Variants in HIRA observed in about 807,000 individuals in gnomAD.
The protein encoded by HIRA is histone cell cycle regulator.
In HIRA, 13 loss-of-function variants were observed where a neutral mutation model predicts 126.6. The observed-to-expected ratio is 0.10, with a 90% confidence interval of 0.07 to 0.16. The LOEUF (loss-of-function observed/expected upper bound fraction) is 0.16, where lower values mean the gene tolerates loss of function less well. Among genes scored for constraint, HIRA ranks in the 10% least tolerant of loss-of-function variants. HIRA has a pLI of 1.00. For missense variants in HIRA, 834 were observed against 1,314.4 expected (o/e 0.63, Z 5.65); for synonymous variants, 511 against 520.0 (o/e 0.98, Z 0.24).
At chr22:19,405,022 C>A (rs2089297032) in intron 5 of HIRA, among the ~76,000 whole-genome samples, 1 of 152,196 alleles carries the variant, frequency 6.6e-6, no homozygotes, top group African/African-American at 2.4e-5. Flanking sequence ...CCTATCTCTT[C>A]CATGACAAGG....
chr22:19,373,523 C>T (rs2088987201), intron 15 of HIRA, among the ~76,000 whole-genome samples: 1 of 152,174 alleles, frequency 6.6e-6, no homozygotes, highest in Non-Finnish European at 1.5e-5. Flanking sequence ...ATGGTGGATA[C>T]GCATCTCTGC....
intron 15 of HIRA, among the ~76,000 whole-genome samples, chr22:19,374,017 T>C (rs143261408): frequency 1.3e-4 from 19 of 151,700 alleles, no homozygotes; most frequent in African/African-American, 3.1e-4. Context: ...GGGTTGCATT[T>C]AATCCAGCAT....
intron 14 of HIRA, among the ~76,000 whole-genome samples, chr22:19,376,141 T>G (rs909685798): frequency 6.6e-6 from 1 of 152,098 alleles, no homozygotes; most frequent in Admixed American, 6.5e-5. Context: ...CCCAAACCAC[T>G]CCAGCCACTC....
intron 24 of HIRA, among the ~76,000 whole-genome samples, chr22:19,341,812 A>G (rs1239273426): frequency 2.0e-5 from 3 of 152,266 alleles, no homozygotes; most frequent in African/African-American, 7.2e-5. Context: ...AAGATGGATC[A>G]AAGACTTAAA....
intron 1 of HIRA, among the ~76,000 whole-genome samples, chr22:19,427,309 C>A (rs2089496066): frequency 1.3e-5 from 2 of 152,210 alleles, no homozygotes; most frequent in South Asian, 4.1e-4. Context: ...TCAACCACTG[C>A]AATCATATAA....
Position 19,331,142 on chromosome 22 carries a change from G to A in HIRA, c.*298C>T. 1 of 1,329,902 alleles carries A rather than the reference G, an allele frequency of 7.5e-7. No individual in the cohort carries two copies. Among genetic ancestry groups the A allele is most frequent in the Non-Finnish European group, 9.9e-7 (1 of 1,014,906 alleles). 82.4% of individuals were successfully genotyped at this position (1,329,902 alleles called of 1,614,324 possible). On this transcript the variant is annotated 3_prime_UTR_variant, in exon 25 of 25. Transcript: ENST00000263208. ...CTAGTGTCCACCTTGGGGCCGTGCTGGAGACGGCAGGCCTGGGACTGCCTT... is the reference window on the plus strand; with the variant it reads ...CTAGTGTCCACCTTGGGGCCGTGCTAGAGACGGCAGGCCTGGGACTGCCTT...
At chr22:19,388,441 T>C in intron 10 of HIRA, 43 bp downstream of exon 10, 1 of 1,494,294 alleles carries the variant, frequency 6.7e-7, no homozygotes, top group Non-Finnish European at 9.3e-7. Flanking sequence ...AATGTGTGGC[T>C]TCTCCTTTCT....
chr22:19,405,574 G>A (rs969896988), intron 5 of HIRA: 2 of 908,954 alleles, frequency 2.2e-6, no homozygotes, highest in Non-Finnish European at 2.6e-6. Context: ...GGGCAAGAGT[G>A]GGGAGACTGA....
At chr22:19,354,895 G>T (rs2088795856) in intron 21 of HIRA, among the ~76,000 whole-genome samples, 1 of 151,998 alleles carries the variant, frequency 6.6e-6, no homozygotes, top group Non-Finnish European at 1.5e-5. Context: ...GCTTCCCAAG[G>T]AGCTGGGACT....
rs781983881 is a variant in HIRA, at chr22:19,331,210, G to C, written c.*230C>G. On this transcript the variant is annotated 3_prime_UTR_variant, in exon 25 of 25. Coordinates refer to ENST00000263208, the MANE Select transcript of HIRA (RefSeq NM_003325.4). ...TGGGCAGAGCTCCAGCCCTAGCTCC[G>C]CATCGGGGGCTTGGAGGGAGGGATG... 2.1e-6 allele frequency: 3 copies of C among 1,448,634 alleles called. No individual in the cohort carries two copies. Among genetic ancestry groups the C allele is most frequent in the South Asian group, 1.2e-5 (1 of 82,444 alleles). The allele number at this position is 1,448,634 out of a possible 1,614,324, so 89.7% of individuals were successfully genotyped here.
At chr22:19,390,253 T>C (rs2089166234) in intron 9 of HIRA, among the ~76,000 whole-genome samples, 1 of 151,946 alleles carries the variant, frequency 6.6e-6, no homozygotes. Flanking sequence ...GAGAACCTGC[T>C]CTGTAGAGGG....
At chr22:19,365,035 C>T (rs1281372642) in intron 15 of HIRA, among the ~76,000 whole-genome samples, 1 of 152,228 alleles carries the variant, frequency 6.6e-6, no homozygotes, top group African/African-American at 2.4e-5. Context: ...AGCCACAACA[C>T]TCCCTTAATC....
intron 17 of HIRA, among the ~76,000 whole-genome samples, chr22:19,359,846 G>A (rs1324545213): frequency 6.6e-6 from 1 of 152,212 alleles, no homozygotes; most frequent in East Asian, 1.9e-4. Context: ...GGACCGAGCT[G>A]GGAGTGAGAC....
chr22:19,397,448 G>A (rs2089233346), intron 6 of HIRA, among the ~76,000 whole-genome samples: 1 of 152,192 alleles, frequency 6.6e-6, no homozygotes, highest in Non-Finnish European at 1.5e-5. Context: ...ACATGCTGGT[G>A]GCTTTCAAAG....
intron 24 of HIRA, among the ~76,000 whole-genome samples, chr22:19,332,510 T>G (rs2088502001): frequency 6.6e-6 from 1 of 152,098 alleles, no homozygotes; most frequent in Admixed American, 6.6e-5. Context: ...TACAGAAAAG[T>G]TTGTCAACTC....
At chr22:19,408,337 G>C (rs1028181854) in intron 3 of HIRA, 146 bp downstream of exon 3, 2 of 588,720 alleles carry the variant, frequency 3.4e-6, no homozygotes, top group Non-Finnish European at 6.3e-6. Flanking sequence ...ACTCACCCAG[G>C]TGTGCAGCCA....
Position 19,396,942 on chromosome 22 carries a change from G to GAATTTCTGTGAAAGAAAAA in HIRA, c.498_499insTTTTTCTTTCACAGAAATT (p.Leu167PhefsTer27). ...CCAGAATGACCTCTCAGAGTAGCTA[G>GAATTTCTGTGAAAGAAAAA]AATTTCTGTGAAGAAAAAAGGAATG... On this transcript the variant is annotated frameshift_variant, in exon 7 of 25. Transcript: ENST00000263208. LOFTEE classifies it high-confidence loss of function. The GAATTTCTGTGAAAGAAAAA allele has an allele frequency of 8.1e-6, 13 of 1,614,026 alleles. No individual in the cohort carries two copies. The highest frequency in any genetic ancestry group is 1.1e-5 in the Non-Finnish European group (13 of 1,179,956).
At chr22:19,374,140 G>A (rs373665277) in intron 15 of HIRA, among the ~76,000 whole-genome samples, 19 of 152,036 alleles carry the variant, frequency 1.2e-4, no homozygotes, top group African/African-American at 3.9e-4. Context: ...TGAGACCAGC[G>A]TGGCCAACAT....
At chr22:19,347,336 A>C (rs1311218775) in intron 24 of HIRA, among the ~76,000 whole-genome samples, 29 of 152,376 alleles carry the variant, frequency 1.9e-4, no homozygotes, top group Admixed American at 1.9e-3. Flanking sequence ...AACAAATCAA[A>C]GATTGAACCC....
Sources: gnomAD v4.1 joint callset for allele counts (sites outside exome capture counted in the v4.1 genomes callset) on GRCh38, gnomAD v4.1.1 for gene constraint, MANE v1.5 for transcripts, NCBI Gene and HGNC (gene_info 2026-07-23, HGNC 2026-07-21) for gene names.